The following FGD4 variants were observed in gnomAD, a reference collection of about 807,000 sequenced individuals.
The protein encoded by FGD4 is FYVE, RhoGEF and PH domain-containing protein 4.
A neutral mutation model predicts 102.0 loss-of-function variants in FGD4; 42 were observed. The observed-to-expected ratio is 0.41, with a 90% confidence interval of 0.32 to 0.53. The LOEUF is 0.53. Ranked by LOEUF, FGD4 falls within the 20% of genes least tolerant of loss-of-function variation. The probability of loss-of-function intolerance (pLI) is 0.21; values close to 1 mark genes in which losing one functional copy is unlikely to be tolerated. For missense variants in FGD4, 902 were observed against 1,078.2 expected (o/e 0.84, Z 2.29); for synonymous variants, 380 against 375.7 (o/e 1.01, Z -0.13).
intron 1 of FGD4, among the ~76,000 whole-genome samples, chr12:32,504,484 C>T (rs973818824): frequency 2.2e-4 from 33 of 152,262 alleles, no homozygotes; most frequent in Non-Finnish European, 2.4e-4. Context: ...GTACTGAATT[C>T]GCGTGTCCAC....
At chr12:32,523,910 G>A (rs1204479542) in intron 1 of FGD4, among the ~76,000 whole-genome samples, 3 of 152,152 alleles carry the variant, frequency 2.0e-5, no homozygotes, top group African/African-American at 7.2e-5. Context: ...CCCGGGAGGC[G>A]GAGCTTGCAG....
intron 1 of FGD4, among the ~76,000 whole-genome samples, chr12:32,420,472 A>G (rs958459778): frequency 1.3e-5 from 2 of 151,922 alleles, no homozygotes; most frequent in East Asian, 3.8e-4. Context: ...TGCTGTCTTG[A>G]GCAACCCCAG....
At chr12:32,626,754 T>C (rs1950196248) in intron 14 of FGD4, among the ~76,000 whole-genome samples, 1 of 152,132 alleles carries the variant, frequency 6.6e-6, no homozygotes, top group South Asian at 2.1e-4. Flanking sequence ...AAGAAAAAGA[T>C]GTGTATAAAT....
At chr12:32,462,247 C>G (rs1379267540) in intron 1 of FGD4, among the ~76,000 whole-genome samples, 1 of 152,078 alleles carries the variant, frequency 6.6e-6, no homozygotes, top group African/African-American at 2.4e-5. Context: ...ACCTCCACCT[C>G]CCTGGTTCAA....
intron 4 of FGD4, among the ~76,000 whole-genome samples, chr12:32,590,416 A>G (rs1477971811): frequency 2.0e-5 from 3 of 151,156 alleles, no homozygotes; most frequent in Admixed American, 6.6e-5. Flanking sequence ...TAAATTCCCT[A>G]CTGTTAACAA....
At chr12:32,465,797 G>A (rs1157492343) in intron 1 of FGD4, among the ~76,000 whole-genome samples, 2 of 152,002 alleles carry the variant, frequency 1.3e-5, no homozygotes, top group African/African-American at 4.8e-5. Context: ...TTTGTTTTTT[G>A]AGACAGGATC....
chr12:32,579,457 AACTCCTT>A (rs1946418664), intron 3 of FGD4: 1 of 152,170 alleles, frequency 6.6e-6, no homozygotes, highest in Admixed American at 6.5e-5. Flanking sequence ...TGCTTTTACT[AACTCCTT>A]ACCCACGTTA....
intron 1 of FGD4, among the ~76,000 whole-genome samples, chr12:32,561,070 G>GTTTTTTTT (rs1267043755): frequency 0.031 from 2,824 of 90,308 alleles, 536 homozygotes; most frequent in Non-Finnish European, 0.041. Context: ...TCTTTGTTGG[G>GTTTTTTTT]TTTTGTTTTT....
At chr12:32,563,251 G>GT (rs1944823358) in intron 1 of FGD4, among the ~76,000 whole-genome samples, 1 of 150,698 alleles carries the variant, frequency 6.6e-6, no homozygotes, top group African/African-American at 2.4e-5. Context: ...AGACGGGGCG[G>GT]TTGCCAGGCG....
At chr12:32,579,039 G>GTTTTTTTTTTTTTTTTTTTT (rs35186090) in intron 3 of FGD4, among the ~76,000 whole-genome samples, 1 of 66,128 alleles carries the variant, frequency 1.5e-5, no homozygotes, top group African/African-American at 6.5e-5. Context: ...AACATTAGTG[G>GTTTTTTTTTTTTTTTTTTTT]TTTTTTTTTT....
chr12:32,624,703 A>G, intron 12 of FGD4: 1 of 662,460 alleles, frequency 1.5e-6, no homozygotes. Context: ...CGAACTCCTG[A>G]GCTCAAGCGA....
chr12:32,540,678 G>T (rs1267883440), intron 1 of FGD4, among the ~76,000 whole-genome samples: 1 of 151,096 alleles, frequency 6.6e-6, no homozygotes, highest in Non-Finnish European at 1.5e-5. Context: ...CAATTCTCCT[G>T]CCTCAGCCTC....
chr12:32,602,211 T>C lies in FGD4; in HGVS notation c.1298T>C (p.Leu433Pro). 1.2e-6 allele frequency: 2 copies of C among 1,614,154 alleles called. No individual in the cohort carries two copies. The highest frequency in any genetic ancestry group is 1.7e-6 in the Non-Finnish European group (2 of 1,180,008). ...ATCCTTCAGAAATTGGCACCATTCC[T>C]TAAGATGTATGGAGAATATGTGAAA... ...GDILQKLAPF[L>P]KMYGEYVKGF... Residue 433 changes from leucine (L) to proline (P), a missense_variant, in exon 7 of 17, where the codon CTT (leucine) becomes CCT (proline). Around this residue, in one of 2 missense-constraint regions of FGD4, gnomAD observed 459 missense variants for 619.0 expected, o/e 0.74. Transcript: ENST00000534526.
At chr12:32,593,563 C>A (rs1947649622) in intron 4 of FGD4, among the ~76,000 whole-genome samples, 3 of 152,170 alleles carry the variant, frequency 2.0e-5, no homozygotes. Flanking sequence ...TCCACAATTG[C>A]CAAGTTCAGC....
intron 1 of FGD4, among the ~76,000 whole-genome samples, chr12:32,477,156 T>C (rs7312780): frequency 0.37 from 56,743 of 151,762 alleles, 11,495 homozygotes; most frequent in South Asian, 0.51. Flanking sequence ...GGCGTGGTGG[T>C]GGGTGCCTGT....
chr12:32,564,397 ATTGG>A, intron 2 of FGD4, 108 bp downstream of exon 2: 1 of 1,323,380 alleles, frequency 7.6e-7, no homozygotes, highest in South Asian at 1.5e-5. Context: ...GAAGGAAGGA[ATTGG>A]GTACATTATT....
intron 10 of FGD4, among the ~76,000 whole-genome samples, chr12:32,614,728 TTTC>T (rs1308469176): frequency 3.3e-5 from 5 of 152,326 alleles, no homozygotes; most frequent in Middle Eastern, 3.4e-3. Flanking sequence ...GGACACCCAT[TTTC>T]TTCAGTTAAT....
chr12:32,431,558 T>A (rs1942045982), intron 1 of FGD4, among the ~76,000 whole-genome samples: 1 of 152,180 alleles, frequency 6.6e-6, no homozygotes, highest in Non-Finnish European at 1.5e-5. Context: ...AGTTTATGTC[T>A]GCATGTTTTT....
intron 4 of FGD4, chr12:32,582,740 G>A: frequency 2.2e-6 from 1 of 462,994 alleles, no homozygotes; most frequent in South Asian, 2.6e-5. Context: ...ATCCACAAAT[G>A]TATTGTTTTT....
Sources: gnomAD v4.1 joint callset for allele counts (sites outside exome capture counted in the v4.1 genomes callset) on GRCh38, gnomAD v4.1.1 for gene constraint, gnomAD v4.1.1 regional missense constraint, MANE v1.5 for transcripts, NCBI Gene and HGNC (gene_info 2026-07-23, HGNC 2026-07-21) for gene names.